The following BEST1 variants were observed in gnomAD, a reference collection of about 807,000 sequenced individuals.
BEST1 encodes the protein bestrophin 1, also known as bestrophin-1.
A neutral mutation model predicts 63.3 loss-of-function variants in BEST1; 58 were observed. That is an observed-to-expected ratio of 0.92 (90% CI 0.74 to 1.14). The LOEUF (loss-of-function observed/expected upper bound fraction) is 1.14, where lower values mean the gene tolerates loss of function less well. BEST1 is among the 50% of genes most tolerant of loss of function. The pLI is 0.00. For missense variants in BEST1, 671 were observed against 740.1 expected (o/e 0.91, Z 1.08); for synonymous variants, 283 against 291.6 (o/e 0.97, Z 0.30).
chr11:61,957,022 C>T, intron 5 of BEST1, 24 bp downstream of exon 5: 1 of 1,613,982 alleles, frequency 6.2e-7, no homozygotes, highest in Admixed American at 1.7e-5. Flanking sequence ...ACAGACAGGG[C>T]TGCCGCAGAG....
downstream of BEST1, chr11:61,964,725 G>A (rs1455060329): frequency 1.9e-6 from 3 of 1,597,988 alleles, no homozygotes; most frequent in African/African-American, 4.0e-5. Flanking sequence ...TTAGCCCGAG[G>A]CTTAGCTTTC....
intron 8 of BEST1, 125 bp from the exon 9 acceptor site, chr11:61,959,767 C>T (rs1270452311): frequency 7.0e-7 from 1 of 1,435,782 alleles, no homozygotes; most frequent in Non-Finnish European, 9.6e-7. Flanking sequence ...CACCCATCTC[C>T]CCATTTCACA....
At chr11:61,964,929 T>A (rs375289480), downstream of BEST1, 7 of 1,613,772 alleles carry the variant, frequency 4.3e-6, no homozygotes, top group Non-Finnish European at 4.2e-6. Context: ...TGGGCAGCTT[T>A]CCCAATCCCT....
At chr11:61,952,303 AAGAGAGAG>A (rs35510371) in intron 2 of BEST1, among the ~76,000 whole-genome samples, 160 of 147,202 alleles carry the variant, frequency 1.1e-3, no homozygotes, top group African/African-American at 2.4e-3. Context: ...TACATTAAAA[AAGAGAGAG>A]AGAGAGAGAG....
Position 61,964,404 on chromosome 11 carries a change from C to A in BEST1, c.*282C>A, listed in dbSNP as rs1366033592. On this transcript the variant is annotated 3_prime_UTR_variant, in exon 11 of 11. Coordinates refer to ENST00000378043, the MANE Select transcript of BEST1 (RefSeq NM_004183.4). ...CCCTTAGTTCTATCTGAATCCAAGACAGCCACACCTTAGTATACTGCCCAA... is the reference window on the plus strand; with the variant it reads ...CCCTTAGTTCTATCTGAATCCAAGAAAGCCACACCTTAGTATACTGCCCAA... 2 of 637,596 alleles carry A rather than the reference C, an allele frequency of 3.1e-6. No homozygotes were observed. The highest frequency in any genetic ancestry group is 5.5e-5 in the East Asian group (2 of 36,154). The allele number at this position is 637,596 out of a possible 1,614,324, so 39.5% of individuals were successfully genotyped here.
chr11:61,955,518 G>C (rs980150135), intron 3 of BEST1, 200 bp from the exon 4 acceptor site: 3 of 1,038,626 alleles, frequency 2.9e-6, no homozygotes, highest in Non-Finnish European at 1.4e-6. Flanking sequence ...GGGACCCCCG[G>C]GTGACAGAAC....
Position 61,950,382 on chromosome 11 carries a change from C to T in BEST1, c.-82C>T, listed in dbSNP as rs545675323. ...TCCCAGGGAGTCCCACCAGCCTAGT[C>T]GCCAGACCTTCTGTGGGATCATCGG... On this transcript the variant is annotated 5_prime_UTR_variant, in exon 1 of 11. Transcript: ENST00000378043. 1.0e-4 allele frequency: 16 copies of T among 152,956 alleles called. No individual in the cohort carries two copies. Among genetic ancestry groups the T allele is most frequent in the African/African-American group, 3.1e-4 (13 of 41,570 alleles). 9.5% of individuals were successfully genotyped at this position (152,956 alleles called of 1,614,324 possible).
Position 61,958,302 on chromosome 11 carries a change from G to C in BEST1, c.867+4G>C. 1 of 1,614,220 alleles carries C rather than the reference G, an allele frequency of 6.2e-7. No individual in the cohort carries two copies. The highest frequency in any genetic ancestry group is 8.5e-7 in the Non-Finnish European group (1 of 1,180,040). On this transcript the variant is annotated splice_donor_region_variant and intron_variant, in intron 7 of 10. Coordinates refer to ENST00000378043, the MANE Select transcript of BEST1 (RefSeq NM_004183.4). Reference sequence around the variant, plus strand: ...CTTCTATGTTGGCTGGCTGAAGGTGGGCCTCTCCAGGGCCCTGCTGGGCTG... The same window carrying C: ...CTTCTATGTTGGCTGGCTGAAGGTGCGCCTCTCCAGGGCCCTGCTGGGCTG...
intron 1 of BEST1, among the ~76,000 whole-genome samples, chr11:61,950,700 C>G (rs532615519): frequency 1.3e-5 from 2 of 152,082 alleles, no homozygotes; most frequent in African/African-American, 4.8e-5. Context: ...GCGCCTTCTA[C>G]GAGAACACAA....
downstream of BEST1, chr11:61,964,568 G>A (rs755982610): frequency 1.2e-5 from 10 of 841,492 alleles, no homozygotes; most frequent in Non-Finnish European, 1.7e-5. Context: ...CAACACCTGG[G>A]TACCAAATTT....
intron 10 of BEST1, chr11:61,963,538 A>G: frequency 9.7e-7 from 1 of 1,030,230 alleles, no homozygotes; most frequent in Non-Finnish European, 1.2e-6. Flanking sequence ...CTTTCACCCA[A>G]TTATAAACAC....
Position 61,962,702 on chromosome 11 carries a change from C to G in BEST1, c.1548C>G (p.Leu516=). The change falls in exon 10 of 11, where the codon CTC becomes CTG. Residue 516 remains leucine, a synonymous_variant. Transcript: ENST00000378043. ...SSGAKKSFEL[L]SESDGALMEH... ...GGGCCAAGAAAAGTTTTGAATTGCT[C>G]TCAGAGAGCGATGGGGCCTTGATGG... The G allele has an allele frequency of 6.2e-7, 1 of 1,614,202 alleles. No individual in the cohort carries two copies. The highest frequency in any genetic ancestry group is 8.5e-7 in the Non-Finnish European group (1 of 1,180,040).
At chr11:61,954,448 C>T (rs1203558097) in intron 2 of BEST1, among the ~76,000 whole-genome samples, 2 of 152,046 alleles carry the variant, frequency 1.3e-5, no homozygotes, top group Non-Finnish European at 2.9e-5. Context: ...GCCTATTCAC[C>T]CCTCTCATTA....
rs281865214 is a variant in BEST1 at position 61,951,879 on chromosome 11, C to G, written c.73C>G (p.Arg25Gly). The G allele has an allele frequency of 6.2e-7, 1 of 1,613,472 alleles. No homozygotes were observed. Among genetic ancestry groups the G allele is most frequent in the Non-Finnish European group, 8.5e-7 (1 of 1,179,932 alleles). ...CTTCTCCCGCCTGCTGCTGTGCTGGCGGGGCAGCATCTACAAGCTGCTATA... is the reference window on the plus strand; with the variant it reads ...CTTCTCCCGCCTGCTGCTGTGCTGGGGGGGCAGCATCTACAAGCTGCTATA... Reference protein sequence around the residue: ...GSFSRLLLCWRGSIYKLLYGE... With the variant: ...GSFSRLLLCWGGSIYKLLYGE... Residue 25 changes from arginine to glycine, a missense_variant, in exon 2 of 11, where the codon CGG (arginine) becomes GGG (glycine). Coordinates refer to ENST00000378043, the MANE Select transcript of BEST1 (RefSeq NM_004183.4).
Position 61,959,892 on chromosome 11 carries a change from G to A in BEST1, c.949G>A (p.Val317Met), listed in dbSNP as rs121918287. The A allele has an allele frequency of 1.3e-5, 21 of 1,613,884 alleles. No homozygotes were observed. The highest frequency in any genetic ancestry group is 1.8e-5 in the Non-Finnish European group (21 of 1,179,914). Residue 317 changes from valine (V) to methionine (M), a missense_variant and splice_region_variant, in exon 9 of 11, where the codon GTG becomes ATG. Val to Met is a conservative substitution (Grantham distance 21). Coordinates refer to ENST00000378043, the MANE Select transcript of BEST1 (RefSeq NM_004183.4). ...GACTTCTTCTGTCCCTGGTGACCAG[G>A]TGTCCCTGTTGGCTGTGGATGAGAT... is the stretch of plus-strand genomic sequence containing the variant. ...TNWIVDRNLQ[V>M]SLLAVDEMHQ...
intron 10 of BEST1, chr11:61,963,164 G>T (rs1381948748): frequency 2.8e-6 from 4 of 1,445,124 alleles, no homozygotes; most frequent in Non-Finnish European, 3.6e-6. Context: ...GTGCTGACCA[G>T]AATGCTGCTG....
intron 1 of BEST1, 37 bp from the exon 2 acceptor site, chr11:61,951,734 T>C (rs1940677204): frequency 2.5e-6 from 4 of 1,591,652 alleles, no homozygotes; most frequent in East Asian, 2.2e-5. Context: ...GGGCCTCTGA[T>C]CCCTACAAAC....
intron 4 of BEST1, 48 bp downstream of exon 4, chr11:61,955,999 C>T (rs759886854): frequency 2.0e-6 from 3 of 1,504,142 alleles, no homozygotes; most frequent in South Asian, 1.2e-5. Context: ...AGCCAGGGGC[C>T]GAGATGGGCG....
At position 61,956,331 on chromosome 11, in the gene BEST1, G is replaced by A. The variant is rs1360381144; in HGVS notation, c.481+380G>A. On this transcript the variant is annotated intron_variant, in intron 4 of 10. Coordinates refer to ENST00000378043, the MANE Select transcript of BEST1 (RefSeq NM_004183.4). ...GACATTGGTCTCTGACACCCCCTCAGCCTGGCCTGACCTGGTCCTGGTTAA... is the reference window on the plus strand; with the variant it reads ...GACATTGGTCTCTGACACCCCCTCAACCTGGCCTGACCTGGTCCTGGTTAA... 2.0e-5 allele frequency among the ~76,000 whole-genome samples: 3 copies of A among 152,196 alleles called. No homozygotes were observed. The East Asian group carries it at 5.8e-4, about 29-fold the overall frequency.
Sources: allele counts gnomAD v4.1 joint callset (sites outside exome capture counted in the v4.1 genomes callset), GRCh38; gene constraint gnomAD v4.1.1; transcripts MANE v1.5; gene names NCBI Gene and HGNC (gene_info 2026-07-23, HGNC 2026-07-21).